Variants in CIT observed in about 807,000 individuals in gnomAD.
The protein encoded by CIT is citron Rho-interacting kinase.
Under a neutral mutation model 272.7 loss-of-function variants are expected in CIT, and 79 were observed. The observed-to-expected ratio is 0.29, with a 90% CI of 0.24 to 0.35. CIT has a LOEUF of 0.35. Among genes scored for constraint, CIT ranks in the 10% least tolerant of loss-of-function variants. CIT has a pLI of 1.00. For synonymous variants in CIT, 948 were observed against 995.6 expected (o/e 0.95, Z 0.90); for missense variants, 1,909 against 2,618.3 (o/e 0.73, Z 5.91).
intron 21 of CIT, 56 bp downstream of exon 21, chr12:119,758,534 CA>C (rs1961330261): frequency 4.5e-6 from 5 of 1,099,342 alleles, no homozygotes; most frequent in Non-Finnish European, 7.0e-6. Context: ...GAGTTTATGC[CA>C]CAGGAGAGGA....
chr12:119,866,170 A>AG (rs1393957624), intron 3 of CIT, among the ~76,000 whole-genome samples: 3 of 152,124 alleles, frequency 2.0e-5, no homozygotes, highest in Non-Finnish European at 4.4e-5. Context: ...AATCTAGATA[A>AG]GGGAAGATTA....
chr12:119,700,369 CT>C (rs1352137253), intron 44 of CIT, among the ~76,000 whole-genome samples: 1 of 152,110 alleles, frequency 6.6e-6, no homozygotes, highest in East Asian at 1.9e-4. Flanking sequence ...AAAATTTCCA[CT>C]TGCAATTGCG....
At chr12:119,825,120 T>C (rs1968057099) in intron 8 of CIT, 45 bp downstream of exon 8, 1 of 1,559,102 alleles carries the variant, frequency 6.4e-7, no homozygotes, top group African/African-American at 1.4e-5. Context: ...AATTTTTAAA[T>C]AACGTTTCTC....
At chr12:119,876,021 G>C in intron 2 of CIT, 52 bp downstream of exon 2, 1 of 1,070,322 alleles carries the variant, frequency 9.3e-7, no homozygotes. Context: ...GAGTGACAAG[G>C]AGATTCCAAG....
Position 119,704,210 on chromosome 12 carries a change from G to A in CIT, c.5304+153C>T, listed in dbSNP as rs141044670. Among the ~76,000 whole-genome samples, 26 of 152,292 alleles carry A rather than the reference G, an allele frequency of 1.7e-4. 1 individual carries two copies. The highest frequency in any genetic ancestry group is 5.5e-4 in the African/African-American group (23 of 41,560). ...GAATCCTCCACAAAGGAAGGATCTC[G>A]CTGACGACAGAGGTCACCCCAGGCT... On this transcript the variant is annotated intron_variant, in intron 41 of 47. Coordinates refer to ENST00000392521, the MANE Select transcript of CIT (RefSeq NM_001206999.2).
rs953761387 is a variant in CIT, at chr12:119,712,409, C to G, written c.4685-62G>C. 1.3e-6 allele frequency: 2 copies of G among 1,528,630 alleles called. No individual in the cohort carries two copies. Among genetic ancestry groups the G allele is most frequent in the African/African-American group, 1.4e-5 (1 of 72,736 alleles). 94.7% of individuals were successfully genotyped at this position (1,528,630 alleles called of 1,614,324 possible). A position where few individuals can be genotyped will look rare whatever the true frequency, so the allele number is the denominator to read the frequency against. On this transcript the variant is annotated intron_variant, in intron 36 of 47. Transcript: ENST00000392521. This position sits in a 1 kb window ranked among gnomAD's most constrained non-coding sequence, Gnocchi z 5.2. ...TTTCCCCCGTTCCCACTGGGAGGGA[C>G]GGGCCTGAGAGATCAAAGATGCCCA... is the stretch of plus-strand genomic sequence containing the variant.
rs1964562752 is a variant in CIT at position 119,784,279 on chromosome 12, C to T, written c.1402-228G>A. The T allele has an allele frequency of 6.4e-7, 1 of 1,560,822 alleles. No individual in the cohort carries two copies. The highest frequency in any genetic ancestry group is 1.7e-5 in the Admixed American group (1 of 58,208). On this transcript the variant is annotated intron_variant, in intron 11 of 47. Coordinates refer to ENST00000392521, the MANE Select transcript of CIT (RefSeq NM_001206999.2). The surrounding 1 kb of genome is among the most constrained non-coding windows in gnomAD (Gnocchi z 4.7). ...CCTCTCATTCAAGTCCCGGTTCACA[C>T]TTGATCACTTCTCTAACCCAGTTAG...
chr12:119,857,963 G>A (rs766440161), intron 3 of CIT, among the ~76,000 whole-genome samples: 2 of 152,210 alleles, frequency 1.3e-5, no homozygotes, highest in African/African-American at 4.8e-5. Flanking sequence ...AAAATAGGGA[G>A]AGAGGATACA....
chr12:119,745,284 C>A, intron 23 of CIT, among the ~76,000 whole-genome samples: 1 of 141,882 alleles, frequency 7.0e-6, no homozygotes. Flanking sequence ...AGATTTCTCA[C>A]CAAGATGGGG....
In CIT at chr12:119,857,584, G is replaced by T; in HGVS notation, c.353C>A (p.Ala118Glu). 1 of 1,614,164 alleles carries T rather than the reference G, an allele frequency of 6.2e-7. No individual in the cohort carries two copies. Among genetic ancestry groups the T allele is most frequent in the South Asian group, 1.1e-5 (1 of 91,078 alleles). Reference sequence around the variant, plus strand: ...TTTCATAGCATAGATGTCCCCGGTTGCTTTCTCTCTTACCACCTGCACTTC... The same window carrying T: ...TTTCATAGCATAGATGTCCCCGGTTTCTTTCTCTCTTACCACCTGCACTTC... ...FAEVQVVREK[A>E]TGDIYAMKVM... The change falls in exon 4 of 48, where the codon GCA becomes GAA. Residue 118 changes from alanine (A) to glutamate (E), a missense_variant. Coordinates refer to ENST00000392521, the MANE Select transcript of CIT (RefSeq NM_001206999.2).
At chr12:119,862,841 G>GAAAAAAAAAAAAAA (rs1950393786) in intron 3 of CIT, among the ~76,000 whole-genome samples, 1 of 56,664 alleles carries the variant, frequency 1.8e-5, no homozygotes, top group Non-Finnish European at 3.2e-5. Flanking sequence ...AAAAAAAAAA[G>GAAAAAAAAAAAAAA]AAAAAACCAA....
rs187539373 is a variant in CIT at position 119,748,707 on chromosome 12, G to A, written c.2904+3343C>T. On this transcript the variant is annotated intron_variant, in intron 23 of 47. Transcript: ENST00000392521. ...ATCCCATCATCACGCTATGCAGGGA[G>A]AAGGATTCCTTTCATTAGTGTCTCT... 5.3e-4 allele frequency among the ~76,000 whole-genome samples: 81 copies of A among 152,346 alleles called. 1 individual carries two copies. Among genetic ancestry groups the A allele is most frequent in the African/African-American group, 1.8e-3 (76 of 41,578 alleles).
intron 9 of CIT, among the ~76,000 whole-genome samples, chr12:119,809,996 A>C (rs933707788): frequency 6.6e-6 from 1 of 152,194 alleles, no homozygotes; most frequent in Non-Finnish European, 1.5e-5. Flanking sequence ...CGCCCTATGC[A>C]TTTCTTCATC....
In CIT at chr12:119,763,867, CTAA is replaced by C. The variant is rs141574115; in HGVS notation, c.2305-2815_2305-2813del. On this transcript the variant is annotated intron_variant, in intron 19 of 47. Coordinates refer to ENST00000392521, the MANE Select transcript of CIT (RefSeq NM_001206999.2). ...GAAATTGATAGAGCGGCAGCCATTT[CTAA>C]TAGCATAGTGGGCTACATGTCAGGC... Among the ~76,000 whole-genome samples, 757 of 152,288 alleles carry C rather than the reference CTAA, an allele frequency of 5.0e-3. 3 individuals carry two copies. The highest frequency in any genetic ancestry group is 0.017 in the African/African-American group (725 of 41,554).
intron 40 of CIT, among the ~76,000 whole-genome samples, chr12:119,707,877 C>A (rs1392099457): frequency 6.6e-6 from 1 of 152,188 alleles, no homozygotes; most frequent in African/African-American, 2.4e-5. Flanking sequence ...CTTAGACAAG[C>A]GTCAGTCTTG....
chr12:119,862,113 G>A (rs1350873165), intron 3 of CIT, among the ~76,000 whole-genome samples: 2 of 152,084 alleles, frequency 1.3e-5, no homozygotes, highest in Non-Finnish European at 2.9e-5. Flanking sequence ...CAATTCTCAT[G>A]ACTTGGTCTC....
chr12:119,691,252 C>T (rs2136917869), intron 46 of CIT, among the ~76,000 whole-genome samples: 1 of 151,784 alleles, frequency 6.6e-6, no homozygotes, highest in African/African-American at 2.4e-5. Context: ...TTTCCCAGAG[C>T]CTAGAAGGCA....
At chr12:119,826,945 T>C (rs1566096913) in intron 7 of CIT, among the ~76,000 whole-genome samples, 3 of 152,196 alleles carry the variant, frequency 2.0e-5, no homozygotes, top group South Asian at 2.1e-4. Context: ...TCTTCCAGCC[T>C]GTAACTTGAA....
chr12:119,874,576 ATG>A (rs1566157023), intron 2 of CIT, among the ~76,000 whole-genome samples: 1 of 152,204 alleles, frequency 6.6e-6, no homozygotes, highest in Non-Finnish European at 1.5e-5. Flanking sequence ...AAGTAATCTT[ATG>A]ATATTAAGTT....
Sources: gnomAD v4.1 joint callset for allele counts (sites outside exome capture counted in the v4.1 genomes callset) on GRCh38, gnomAD v4.1.1 for gene constraint, Gnocchi (gnomAD v3.1) non-coding constraint, MANE v1.5 for transcripts, NCBI Gene and HGNC (gene_info 2026-07-23, HGNC 2026-07-21) for gene names.